The following DLG2 variants were observed in gnomAD, a reference collection of about 807,000 sequenced individuals.
DLG2 encodes the protein disks large homolog 2.
Under a neutral mutation model 132.5 loss-of-function variants are expected in DLG2, and 45 were observed. The observed-to-expected ratio is 0.34, with a 90% CI of 0.27 to 0.44. The LOEUF is 0.44. Among genes scored for constraint, DLG2 ranks in the 20% least tolerant of loss-of-function variants. The probability of loss-of-function intolerance (pLI) is 1.00; values close to 1 mark genes in which losing one functional copy is unlikely to be tolerated. For missense variants in DLG2, 1,045 were observed against 1,196.9 expected (o/e 0.87, Z 1.87); for synonymous variants, 424 against 419.6 (o/e 1.01, Z -0.13).
At chr11:83,499,601 A>C (rs557590048) in intron 21 of DLG2, among the ~76,000 whole-genome samples, 1 of 150,442 alleles carries the variant, frequency 6.6e-6, no homozygotes, top group Admixed American at 6.6e-5. Flanking sequence ...TTTCCCTTTC[A>C]ACACCCTCTA....
chr11:85,460,120 C>G (rs166977), intron 3 of DLG2, among the ~76,000 whole-genome samples: 137,604 of 152,268 alleles, frequency 0.9, 62,477 homozygotes, highest in Middle Eastern at 0.95. Context: ...ACCCAGACCA[C>G]TGGGCCTCAT....
intron 7 of DLG2, among the ~76,000 whole-genome samples, chr11:84,383,684 G>A (rs545348309): frequency 6.6e-6 from 1 of 152,164 alleles, no homozygotes; most frequent in South Asian, 2.1e-4. Context: ...GAGGCTCTCA[G>A]CCATACCCCC....
intron 7 of DLG2, among the ~76,000 whole-genome samples, chr11:84,268,907 C>T (rs1343018381): frequency 6.6e-6 from 1 of 152,164 alleles, no homozygotes; most frequent in Non-Finnish European, 1.5e-5. Flanking sequence ...ACTTTTTGAA[C>T]TGCCAGTACC....
At chr11:84,940,763 T>C (rs1346511746) in intron 6 of DLG2, among the ~76,000 whole-genome samples, 1 of 152,232 alleles carries the variant, frequency 6.6e-6, no homozygotes. Flanking sequence ...TTACATTGGT[T>C]GCCTGTGCTT....
At chr11:83,600,759 T>C (rs2058405775) in intron 19 of DLG2, among the ~76,000 whole-genome samples, 1 of 152,070 alleles carries the variant, frequency 6.6e-6, no homozygotes, top group Non-Finnish European at 1.5e-5. Context: ...TCAGTGAAAG[T>C]GAAGGAGGGA....
intron 17 of DLG2, chr11:83,814,635 A>C (rs936409323): frequency 7.6e-5 from 12 of 156,934 alleles, no homozygotes; most frequent in Admixed American, 7.1e-4. Flanking sequence ...GTGGAAACTG[A>C]ATGCGCTCTC....
At chr11:84,635,772 A>C (rs2154544418) in intron 6 of DLG2, among the ~76,000 whole-genome samples, 1 of 152,268 alleles carries the variant, frequency 6.6e-6, no homozygotes, top group Admixed American at 6.5e-5. Context: ...AGAGAAGTTA[A>C]GAAACCTCCT....
In DLG2 at chr11:83,915,155, G is replaced by A. The variant is rs540761083; in HGVS notation, c.1496+15173C>T. ...GTACAGGAAAATAAGATTAGATAGG[G>A]ACTGAAAAGTTTCCACTGGATTTAG... On this transcript the variant is annotated intron_variant, in intron 15 of 27. Transcript: ENST00000376104. Among the ~76,000 whole-genome samples, 3 of 152,270 alleles carry A rather than the reference G, an allele frequency of 2.0e-5. No homozygotes were observed. The East Asian group carries it at 5.8e-4, about 29-fold the overall frequency.
chr11:84,775,302 G>C (rs7101732), intron 6 of DLG2, among the ~76,000 whole-genome samples: 2,293 of 152,216 alleles, frequency 0.015, 74 homozygotes, highest in African/African-American at 0.052. Context: ...GTGGAGAAAA[G>C]GGAATGCTTG....
intron 6 of DLG2, among the ~76,000 whole-genome samples, chr11:84,901,007 T>C (rs2090814883): frequency 1.3e-5 from 2 of 152,122 alleles, no homozygotes; most frequent in Admixed American, 6.6e-5. Flanking sequence ...CTCTTTCAGA[T>C]ACTTAGCGAG....
intron 22 of DLG2, among the ~76,000 whole-genome samples, chr11:83,474,733 A>G (rs1015828337): frequency 1.3e-5 from 2 of 152,144 alleles, no homozygotes; most frequent in African/African-American, 2.4e-5. Context: ...GATGAGGCCA[A>G]CGGTAGGTTC....
chr11:83,540,541 C>T (rs1035301126), intron 20 of DLG2, among the ~76,000 whole-genome samples: 9 of 152,130 alleles, frequency 5.9e-5, no homozygotes, highest in Admixed American at 5.9e-4. Context: ...GAGCCCTCTG[C>T]TTTCCATGTC....
At chr11:83,556,109 T>C (rs970357457) in intron 19 of DLG2, among the ~76,000 whole-genome samples, 1 of 152,168 alleles carries the variant, frequency 6.6e-6, no homozygotes, top group Non-Finnish European at 1.5e-5. Context: ...GCACGTGTTT[T>C]GAGGAGAAGA....
chr11:85,473,049 T>C (rs2093035036), intron 3 of DLG2, among the ~76,000 whole-genome samples: 1 of 152,240 alleles, frequency 6.6e-6, no homozygotes, highest in African/African-American at 2.4e-5. Flanking sequence ...TTTCCCCTTG[T>C]CTAGACACGG....
At chr11:85,362,246 T>C (rs965854381) in intron 3 of DLG2, among the ~76,000 whole-genome samples, 4 of 152,210 alleles carry the variant, frequency 2.6e-5, no homozygotes, top group African/African-American at 9.6e-5. Flanking sequence ...TAAGCTATCA[T>C]GCCCAGCCTC....
chr11:83,471,875 T>C (rs2092077779), intron 23 of DLG2, 148 bp from the exon 24 acceptor site: 7 of 646,886 alleles, frequency 1.1e-5, no homozygotes, highest in South Asian at 9.9e-5. Context: ...CAGCCTTGCA[T>C]AGGGAAATTG....
Position 84,453,961 on chromosome 11 carries a change from T to C in DLG2, c.519+80609A>G, listed in dbSNP as rs78329525. On this transcript the variant is annotated intron_variant, in intron 7 of 27. Transcript: ENST00000376104. ...TTCCTTTGTTGTTTTCTTTGGTATTTGGTGCAGTCTTTGCAAAATTCTATT... is the reference window on the plus strand; with the variant it reads ...TTCCTTTGTTGTTTTCTTTGGTATTCGGTGCAGTCTTTGCAAAATTCTATT... Among the ~76,000 whole-genome samples the C allele has an allele frequency of 3.4e-3, 514 of 151,784 alleles. 2 individuals carry two copies. Among genetic ancestry groups the C allele is most frequent in the African/African-American group, 0.011 (476 of 41,512 alleles).
intron 10 of DLG2, among the ~76,000 whole-genome samples, chr11:84,067,577 C>T (rs1269628513): frequency 2.0e-5 from 3 of 151,998 alleles, no homozygotes; most frequent in Non-Finnish European, 2.9e-5. Context: ...CACACACACA[C>T]ACACACAAAC....
rs531786829 is a variant in DLG2, at chr11:85,443,175, T to C, written c.40+155482A>G. Among the ~76,000 whole-genome samples, 10 of 152,350 alleles carry C rather than the reference T, an allele frequency of 6.6e-5. 1 individual carries two copies. The highest frequency in any genetic ancestry group is 2.2e-4 in the African/African-American group (9 of 41,592). ...TTTTCTTAAGATCTGTCACTAATTT[T>C]TTTATCTACTACAGCACGATTTCTC... On this transcript the variant is annotated intron_variant, in intron 3 of 27. Transcript: ENST00000376104.
Sources: allele counts gnomAD v4.1 joint callset (sites outside exome capture counted in the v4.1 genomes callset), GRCh38; gene constraint gnomAD v4.1.1; transcripts MANE v1.5; gene names NCBI Gene and HGNC (gene_info 2026-07-23, HGNC 2026-07-21).